The following CCSER1 variants were observed in gnomAD, a reference collection of about 807,000 sequenced individuals.
CCSER1 encodes the protein serine-rich coiled-coil domain-containing protein 1.
A neutral mutation model predicts 82.0 loss-of-function variants in CCSER1; 41 were observed. The observed-to-expected ratio is 0.50, with a 90% CI of 0.39 to 0.65. The LOEUF (loss-of-function observed/expected upper bound fraction) is 0.65, where lower values mean the gene tolerates loss of function less well. CCSER1 is among the 30% of genes least tolerant of loss of function. The pLI is 0.00. For missense variants in CCSER1, 1,119 were observed against 1,064.2 expected (o/e 1.05, Z -0.72); for synonymous variants, 414 against 383.9 (o/e 1.08, Z -0.92).
chr4:90,736,390 T>C (rs999041070), intron 7 of CCSER1, among the ~76,000 whole-genome samples: 3 of 152,104 alleles, frequency 2.0e-5, no homozygotes, highest in Non-Finnish European at 2.9e-5. Context: ...GGTGCTCTTG[T>C]GTTGGGTGTG....
chr4:91,411,534 GAC>G (rs1753052368), intron 10 of CCSER1, among the ~76,000 whole-genome samples: 3 of 55,310 alleles, frequency 5.4e-5, no homozygotes, highest in South Asian at 7.0e-4. Flanking sequence ...ATAAAATCTT[GAC>G]TAGTTAATAT....
rs139468132 is a variant in CCSER1 at position 90,822,550 on chromosome 4, A to G, written c.2094+6705A>G. Among the ~76,000 whole-genome samples the G allele has an allele frequency of 8.9e-3, 1,357 of 152,166 alleles. 14 individuals are homozygous for G. Among genetic ancestry groups the G allele is most frequent in the Middle Eastern group, 0.051 (15 of 294 alleles). ...GAGTCCAGCATGGCCAACATGGTGA[A>G]ACCTCATCTCTACTAAAAATACAAA... On this transcript the variant is annotated intron_variant, in intron 8 of 10. Coordinates refer to ENST00000509176, the MANE Select transcript of CCSER1 (RefSeq NM_001145065.2).
At chr4:90,872,234 T>G (rs10013638) in intron 8 of CCSER1, among the ~76,000 whole-genome samples, 3,711 of 151,952 alleles carry the variant, frequency 0.024, 53 homozygotes, top group Middle Eastern at 0.048. Context: ...TTTGTATTTT[T>G]TCCTTCCTTC....
At chr4:90,136,375 G>C (rs936207504) in intron 1 of CCSER1, among the ~76,000 whole-genome samples, 6 of 152,106 alleles carry the variant, frequency 3.9e-5, no homozygotes, top group Admixed American at 1.3e-4. Flanking sequence ...AAAAAAAGAA[G>C]TGTTTGCTTA....
chr4:90,908,347 A>G (rs994792890), intron 8 of CCSER1, among the ~76,000 whole-genome samples: 3 of 152,214 alleles, frequency 2.0e-5, no homozygotes, highest in East Asian at 1.9e-4. Flanking sequence ...CTGAAAGAAA[A>G]TGAGTGTGAG....
chr4:90,216,038 A>C (rs937245101), intron 1 of CCSER1, among the ~76,000 whole-genome samples: 1 of 152,046 alleles, frequency 6.6e-6, no homozygotes, highest in Non-Finnish European at 1.5e-5. Context: ...AAAATTTGTC[A>C]CTCTTTATCC....
chr4:90,466,567 G>A (rs898174615), intron 4 of CCSER1, among the ~76,000 whole-genome samples: 1 of 152,176 alleles, frequency 6.6e-6, no homozygotes, highest in African/African-American at 2.4e-5. Flanking sequence ...ACCCAGTTGA[G>A]CCCATCTGGA....
rs1553982851 is a variant in CCSER1 at position 90,271,890 on chromosome 4, T to TTTTTTTTTA, written c.-41-36354_-41-36353insTTTTTTTTA. On this transcript the variant is annotated intron_variant, in intron 1 of 10. Coordinates refer to ENST00000509176, the MANE Select transcript of CCSER1 (RefSeq NM_001145065.2). ...TTTTTTTTTTTTTTTTTTTTTTTTT[T>TTTTTTTTTA]AAAAGGAGGTTTAATTGACTCACAG... is the stretch of plus-strand genomic sequence containing the variant. Among the ~76,000 whole-genome samples, 121 of 70,078 alleles carry TTTTTTTTTA rather than the reference T, an allele frequency of 1.7e-3. 16 individuals are homozygous for TTTTTTTTTA. Among genetic ancestry groups the TTTTTTTTTA allele is most frequent in the Non-Finnish European group, 2.3e-3 (85 of 37,052 alleles). 46.0% of individuals were successfully genotyped at this position (70,078 alleles called of 152,430 possible). A position where few individuals can be genotyped will look rare whatever the true frequency, so the allele number is the denominator to read the frequency against.
intron 9 of CCSER1, among the ~76,000 whole-genome samples, chr4:90,999,085 G>A (rs1013087358): frequency 5.3e-5 from 8 of 152,132 alleles, no homozygotes; most frequent in African/African-American, 1.9e-4. Context: ...TGGCTCCATA[G>A]TATTCCATGG....
At chr4:90,514,510 C>G (rs1397826818) in intron 5 of CCSER1, among the ~76,000 whole-genome samples, 1 of 152,160 alleles carries the variant, frequency 6.6e-6, no homozygotes, top group African/African-American at 2.4e-5. Context: ...AATCTCAGCA[C>G]TTTGGGAGGC....
chr4:90,461,970 G>A (rs535241906), intron 4 of CCSER1, among the ~76,000 whole-genome samples: 1 of 152,270 alleles, frequency 6.6e-6, no homozygotes, highest in African/African-American at 2.4e-5. Context: ...TGCTACTAAG[G>A]AATGAATATA....
intron 10 of CCSER1, among the ~76,000 whole-genome samples, chr4:91,352,132 T>C (rs1488493939): frequency 6.6e-6 from 1 of 152,242 alleles, no homozygotes; most frequent in East Asian, 1.9e-4. Context: ...GATTCAATAA[T>C]AGCTATATAC....
chr4:91,300,157 G>C (rs1255782452), intron 10 of CCSER1, among the ~76,000 whole-genome samples: 1 of 151,782 alleles, frequency 6.6e-6, no homozygotes, highest in Non-Finnish European at 1.5e-5. Flanking sequence ...GGGATATCAG[G>C]GAGGCCTGTT....
At chr4:90,153,971 G>A (rs570062040) in intron 1 of CCSER1, among the ~76,000 whole-genome samples, 5 of 152,254 alleles carry the variant, frequency 3.3e-5, no homozygotes, top group African/African-American at 1.2e-4. Flanking sequence ...GTCCTGAATG[G>A]TACTGCCTAG....
At chr4:90,259,790 G>A (rs1211258707) in intron 1 of CCSER1, among the ~76,000 whole-genome samples, 1 of 152,040 alleles carries the variant, frequency 6.6e-6, no homozygotes, top group Non-Finnish European at 1.5e-5. Context: ...AACCATCCCT[G>A]CATCTCTGTG....
intron 10 of CCSER1, among the ~76,000 whole-genome samples, chr4:91,291,545 C>T (rs545487504): frequency 2.0e-4 from 30 of 151,960 alleles, no homozygotes; most frequent in African/African-American, 6.5e-4. Context: ...GCAAAGGGGG[C>T]GCACACATAT....
chr4:91,336,953 T>G (rs1387712027), intron 10 of CCSER1, among the ~76,000 whole-genome samples: 1 of 152,098 alleles, frequency 6.6e-6, no homozygotes, highest in Non-Finnish European at 1.5e-5. Context: ...GAATGCATCT[T>G]TTTGTTAAAG....
In CCSER1 at chr4:90,781,218, T is replaced by C. The variant is rs571980251; in HGVS notation, c.2011-34544T>C. 1.1e-5 allele frequency: 11 copies of C among 974,470 alleles called. No individual in the cohort carries two copies. The East Asian group carries it at 1.3e-3, about 111-fold the overall frequency. The allele number at this position is 974,470 out of a possible 1,614,324, so 60.4% of individuals were successfully genotyped here. ...GACATGAGATTTGAGCAGAGACAAATTTCCAAACTATATCACTCAGAATCT... is the reference window on the plus strand; with the variant it reads ...GACATGAGATTTGAGCAGAGACAAACTTCCAAACTATATCACTCAGAATCT... On this transcript the variant is annotated intron_variant, in intron 7 of 10. Transcript: ENST00000509176.
intron 10 of CCSER1, among the ~76,000 whole-genome samples, chr4:91,303,225 G>A (rs757858263): frequency 3.3e-5 from 5 of 151,956 alleles, no homozygotes; most frequent in Non-Finnish European, 5.9e-5. Context: ...CTACCTGAAA[G>A]CAGTCTTATG....
Sources: gnomAD v4.1 joint callset for allele counts (sites outside exome capture counted in the v4.1 genomes callset) on GRCh38, gnomAD v4.1.1 for gene constraint, MANE v1.5 for transcripts, NCBI Gene and HGNC (gene_info 2026-07-23, HGNC 2026-07-21) for gene names.